The following TMEM245 variants were observed in gnomAD, a reference collection of about 807,000 sequenced individuals.
TMEM245 encodes the protein protein CG-2.
Under a neutral mutation model 101.2 loss-of-function variants are expected in TMEM245, and 69 were observed. That is an observed-to-expected ratio of 0.68 (90% CI 0.56 to 0.83). The LOEUF (loss-of-function observed/expected upper bound fraction) is 0.83. Ranked by LOEUF, TMEM245 falls within the 40% of genes least tolerant of loss-of-function variation. The pLI is 0.00. For missense variants in TMEM245, 1,075 were observed against 1,092.8 expected, an observed-to-expected ratio of 0.98 and a Z score of 0.23; for synonymous variants, 537 against 449.8, an observed-to-expected ratio of 1.19 and a Z score of -2.45.
intron 2 of TMEM245, 93 bp from the exon 3 acceptor site, chr9:109,106,702 G>T: frequency 1.2e-6 from 1 of 804,364 alleles, no homozygotes; most frequent in Non-Finnish European, 1.9e-6. Context: ...AGAACAATCT[G>T]GTATATATAT....
Position 109,087,295 on chromosome 9 carries a change from G to C in TMEM245, c.1198C>G (p.Leu400Val), listed in dbSNP as rs75948484. 5 of 1,612,298 alleles carry C rather than the reference G, an allele frequency of 3.1e-6. No individual in the cohort carries two copies. In the East Asian group the frequency reaches 6.7e-5, roughly 22 times the overall value. ...LVIHFGVVDF[L>V]EKRYHVWWGI... ...CACCACACATGGTAGCGTTTCTCTA[G>C]GAAATCCACAACTCCAAAGTGAATG... Residue 400 changes from leucine (L) to valine (V), a missense_variant, in exon 6 of 18, where the codon CTA (leucine) becomes GTA (valine). This residue lies in a region of TMEM245 where 808 missense variants were observed against 741.5 expected (regional missense o/e 1.09). Transcript: ENST00000374586.
chr9:109,060,340 C>A lies in TMEM245; in HGVS notation c.1722+14G>T. 6.3e-7 allele frequency: 1 copy of A among 1,590,724 alleles called. No individual in the cohort carries two copies. The highest frequency in any genetic ancestry group is 8.6e-7 in the Non-Finnish European group (1 of 1,166,368). ...ATTAGTTTACAACAGGAAACTTTAG[C>A]TAAAATAACTTACCTTTACAAACCA... On this transcript the variant is annotated intron_variant, in intron 11 of 17. Transcript: ENST00000374586.
chr9:109,056,482 G>A (rs964236107), intron 12 of TMEM245, among the ~76,000 whole-genome samples: 2 of 150,650 alleles, frequency 1.3e-5, no homozygotes, highest in African/African-American at 4.9e-5. Context: ...TGGGTGTGGT[G>A]GGGCATGCCC....
At chr9:109,052,097 C>T (rs1048307976) in intron 12 of TMEM245, among the ~76,000 whole-genome samples, 1 of 152,064 alleles carries the variant, frequency 6.6e-6, no homozygotes, top group African/African-American at 2.4e-5. Context: ...ATATTTATAG[C>T]ATACCTGCAC....
intron 16 of TMEM245, 74 bp from the exon 17 acceptor site, chr9:109,033,575 ATTCT>A: frequency 7.1e-7 from 1 of 1,414,080 alleles, no homozygotes; most frequent in African/African-American, 1.4e-5. Flanking sequence ...TACAATGTGC[ATTCT>A]TTAATACACT....
At chr9:109,071,503 C>A in intron 9 of TMEM245, among the ~76,000 whole-genome samples, 1 of 150,712 alleles carries the variant, frequency 6.6e-6, no homozygotes, top group Admixed American at 6.6e-5. Context: ...ACTCAGGAGA[C>A]TAAAGTGGGA....
rs144314298 is a variant in TMEM245 at position 109,092,899 on chromosome 9, G to A, written c.916+576C>T. Among the ~76,000 whole-genome samples the A allele has an allele frequency of 4.2e-3, 632 of 152,224 alleles. 4 individuals are homozygous for A. Among genetic ancestry groups the A allele is most frequent in the Middle Eastern group, 0.01 (3 of 294 alleles). ...AAACAACCAGAGGGGTCTGTTTGAGGGGTCAATATATTAACACATGAAGCA... is the reference window on the plus strand; with the variant it reads ...AAACAACCAGAGGGGTCTGTTTGAGAGGTCAATATATTAACACATGAAGCA... On this transcript the variant is annotated intron_variant, in intron 4 of 17. Transcript: ENST00000374586.
intron 1 of TMEM245, among the ~76,000 whole-genome samples, chr9:109,115,892 G>T (rs79944794): frequency 0.13 from 19,166 of 152,070 alleles, 1,608 homozygotes; most frequent in Middle Eastern, 0.2. Flanking sequence ...AATCCTTATT[G>T]AAGGTTACTA....
At chr9:109,022,855 G>A (rs557834132) in intron 17 of TMEM245, among the ~76,000 whole-genome samples, 14 of 152,226 alleles carry the variant, frequency 9.2e-5, no homozygotes, top group Admixed American at 2.6e-4. Context: ...AATACCCAAC[G>A]GGGTTCCCTG....
intron 5 of TMEM245, among the ~76,000 whole-genome samples, chr9:109,088,010 T>C (rs1829890838): frequency 1.3e-5 from 2 of 152,110 alleles, no homozygotes; most frequent in South Asian, 2.1e-4. Flanking sequence ...CCTCCTGGAG[T>C]TGGGCAGTGA....
At chr9:109,096,247 C>A (rs929912277) in intron 3 of TMEM245, among the ~76,000 whole-genome samples, 1 of 152,198 alleles carries the variant, frequency 6.6e-6, no homozygotes, top group African/African-American at 2.4e-5. Context: ...GAGGCCAAGG[C>A]AGACGGATTA....
chr9:109,050,390 G>A lies in TMEM245; in HGVS notation c.2016C>T (p.Ser672=), dbSNP rs878863724. 2 of 1,614,022 alleles carry A rather than the reference G, an allele frequency of 1.2e-6. No individual in the cohort carries two copies. The highest frequency in any genetic ancestry group is 1.7e-6 in the Non-Finnish European group (2 of 1,180,018). ...TCACTGGCTTGTAGTACTCATCACT[G>A]GAACTTAATAGATAAAATAGTGTGG... ...FLTTLFYLLS[S]SDEYYKPVKW... Residue 672 remains serine, a synonymous_variant, in exon 14 of 18, where the codon TCC becomes TCT. Transcript: ENST00000374586.
chr9:109,081,752 T>C (rs1829671858), intron 7 of TMEM245, among the ~76,000 whole-genome samples: 2 of 152,212 alleles, frequency 1.3e-5, no homozygotes. Flanking sequence ...ATGACATGAC[T>C]ATAATTGATA....
In TMEM245 at chr9:109,108,517, T is replaced by C. The variant is rs572228198; in HGVS notation, c.633A>G (p.Ala211=). 276 of 1,610,006 alleles carry C rather than the reference T, an allele frequency of 1.7e-4. 4 individuals carry two copies. The South Asian group carries it at 3.0e-3, about 17-fold the overall frequency. The change falls in exon 2 of 18, where the codon GCA becomes GCG. Residue 211 remains alanine (A), a synonymous_variant. Coordinates refer to ENST00000374586, the MANE Select transcript of TMEM245 (RefSeq NM_032012.4). ...CTGCTCTCAAGTAGCGTTCAGTGCT[T>C]GCATTCCACTTGAATGAAACAGTCA... ...YVLTVSFKWN[A]STERYLRAVS...
Position 109,119,700 on chromosome 9 carries a change from G to T in TMEM245, c.214C>A (p.Leu72Met). 6.5e-7 allele frequency: 1 copy of T among 1,549,846 alleles called. No individual in the cohort carries two copies. The highest frequency in any genetic ancestry group is 8.7e-7 in the Non-Finnish European group (1 of 1,151,594). Residue 72 changes from leucine (L) to methionine (M), a missense_variant, in exon 1 of 18, where the codon CTG becomes ATG. Leu to Met is a conservative substitution (Grantham distance 15, BLOSUM62 2). Coordinates refer to ENST00000374586, the MANE Select transcript of TMEM245 (RefSeq NM_032012.4). ...AAGGCCTCCAGGATGAAGTAGACCA[G>T]CACCGCGGCGCCGCAGCACAGGCAC... ...FVCLCCGAAV[L>M]VYFILEAFLR...
At chr9:109,030,107 G>A (rs971597473) in intron 17 of TMEM245, among the ~76,000 whole-genome samples, 5 of 152,102 alleles carry the variant, frequency 3.3e-5, no homozygotes, top group African/African-American at 1.2e-4. Context: ...CTTCCAAGTC[G>A]GAAGTTATTA....
At chr9:109,020,948 C>T (rs1435026112) in intron 17 of TMEM245, among the ~76,000 whole-genome samples, 3 of 152,146 alleles carry the variant, frequency 2.0e-5, no homozygotes, top group East Asian at 3.9e-4. Context: ...AAATAGAAAT[C>T]GTAATCCAAC....
chr9:109,073,161 TA>T (rs1829386264), intron 9 of TMEM245, 194 bp downstream of exon 9: 1 of 566,754 alleles, frequency 1.8e-6, no homozygotes, highest in Non-Finnish European at 3.2e-6. Context: ...GAATTGTACC[TA>T]AAATCCTGAG....
chr9:109,042,839 A>ATTT lies in TMEM245; in HGVS notation c.2124-4725_2124-4723dup, dbSNP rs754295748. 3.6e-3 allele frequency among the ~76,000 whole-genome samples: 420 copies of ATTT among 115,478 alleles called. 4 individuals are homozygous for ATTT. The highest frequency in any genetic ancestry group is 6.1e-3 in the South Asian group (19 of 3,090). The allele number at this position is 115,478 out of a possible 152,430, so 75.8% of individuals were successfully genotyped here. On this transcript the variant is annotated intron_variant, in intron 14 of 17. Transcript: ENST00000374586. ...AAAATAAATAAAGGTATAGCTGACAATTTTTTTTTTTTTTTTTTTTTTTTG... is the reference window on the plus strand; with the variant it reads ...AAAATAAATAAAGGTATAGCTGACAATTTTTTTTTTTTTTTTTTTTTTTTTTTG...
Sources: allele counts gnomAD v4.1 joint callset (sites outside exome capture counted in the v4.1 genomes callset), GRCh38; gene constraint gnomAD v4.1.1; regional missense constraint gnomAD v4.1.1; transcripts MANE v1.5; gene names NCBI Gene and HGNC (gene_info 2026-07-23, HGNC 2026-07-21).